FAF1: variants seen among roughly 807,000 people sequenced by gnomAD.
The protein encoded by FAF1 is Fas associated factor 1, also known as FAS-associated factor 1.
A neutral mutation model predicts 92.5 loss-of-function variants in FAF1; 25 were observed. The observed-to-expected ratio is 0.27, with a 90% confidence interval of 0.20 to 0.38. The LOEUF is 0.38. FAF1 is among the 10% of genes least tolerant of loss of function. The pLI is 1.00. For synonymous variants in FAF1, 234 were observed against 273.2 expected (o/e 0.86, Z 1.42); for missense variants, 636 against 793.3 (o/e 0.80, Z 2.38).
intron 6 of FAF1, among the ~76,000 whole-genome samples, chr1:50,710,785 G>C (rs1470994769): frequency 6.6e-6 from 1 of 151,642 alleles, no homozygotes; most frequent in Non-Finnish European, 1.5e-5. Context: ...TGTATTTTTA[G>C]TAGAGACGGG....
chr1:50,924,669 C>G (rs1057036781), intron 1 of FAF1, among the ~76,000 whole-genome samples: 10 of 152,152 alleles, frequency 6.6e-5, no homozygotes, highest in Non-Finnish European at 7.4e-5. Flanking sequence ...GTAACCAAAA[C>G]AGCATAGTAT....
At chr1:50,826,996 G>A (rs1644105481) in intron 2 of FAF1, among the ~76,000 whole-genome samples, 1 of 147,800 alleles carries the variant, frequency 6.8e-6, no homozygotes, top group Admixed American at 6.7e-5. Context: ...CCATCGTCTG[G>A]GATGTGAGGA....
At chr1:50,761,119 C>T (rs889275372) in intron 4 of FAF1, among the ~76,000 whole-genome samples, 4 of 152,210 alleles carry the variant, frequency 2.6e-5, no homozygotes, top group Middle Eastern at 3.4e-3. Context: ...ACACATACAC[C>T]CTCCCAAGAC....
At position 50,883,005 on chromosome 1, in the gene FAF1, A is replaced by G. The variant is rs2124690656; in HGVS notation, c.46-25008T>C. Among the ~76,000 whole-genome samples the G allele has an allele frequency of 2.0e-5, 3 of 150,890 alleles. No individual in the cohort carries two copies. In the South Asian group the frequency reaches 6.2e-4, roughly 31 times the overall value. On this transcript the variant is annotated intron_variant, in intron 1 of 18. Transcript: ENST00000396153. ...GTCTCCAAAAAAAAAAAAAAAAACT[A>G]GGTTAATGCATTGATTTTGAAATGC...
intron 15 of FAF1, among the ~76,000 whole-genome samples, chr1:50,503,103 A>T (rs1350179331): frequency 5.3e-5 from 8 of 152,148 alleles, no homozygotes; most frequent in Non-Finnish European, 1.2e-4. Context: ...CCTCCTGAGT[A>T]GCTGGGATTA....
intron 18 of FAF1, among the ~76,000 whole-genome samples, chr1:50,457,542 T>C (rs1206508109): frequency 6.6e-6 from 1 of 152,056 alleles, no homozygotes; most frequent in Non-Finnish European, 1.5e-5. Flanking sequence ...CAATTTTTAA[T>C]TTATGGCTGG....
chr1:50,596,156 ATCT>A lies in FAF1; in HGVS notation c.802_804del (p.Arg268del). On this transcript the variant is annotated inframe_deletion, in exon 9 of 19. Transcript: ENST00000396153. ...TGTTCCCGGGTCTGTGCAGGTGAAG[ATCT>A]TCTTCCCACTGTAAGTCGATGGCAG... 2 of 1,614,022 alleles carry A rather than the reference ATCT, an allele frequency of 1.2e-6. No individual in the cohort carries two copies. Among genetic ancestry groups the A allele is most frequent in the Non-Finnish European group, 8.5e-7 (1 of 1,179,950 alleles).
At chr1:50,807,530 C>G (rs1013170342) in intron 2 of FAF1, among the ~76,000 whole-genome samples, 4 of 152,162 alleles carry the variant, frequency 2.6e-5, no homozygotes, top group Non-Finnish European at 5.9e-5. Flanking sequence ...AATCCACCCC[C>G]ATGGTCCAAT....
At chr1:50,561,872 AG>A in intron 13 of FAF1, among the ~76,000 whole-genome samples, 1 of 151,516 alleles carries the variant, frequency 6.6e-6, no homozygotes, top group South Asian at 2.1e-4. Context: ...GAAGGAAGGA[AG>A]GAAGGAAGGA....
At chr1:50,457,290 A>G (rs1301125030) in intron 18 of FAF1, among the ~76,000 whole-genome samples, 1 of 152,158 alleles carries the variant, frequency 6.6e-6, no homozygotes, top group African/African-American at 2.4e-5. Context: ...GTTTTGGTGA[A>G]GTAGGCTGGG....
intron 1 of FAF1, among the ~76,000 whole-genome samples, chr1:50,898,864 G>T (rs1465794585): frequency 6.6e-6 from 1 of 152,138 alleles, no homozygotes. Flanking sequence ...GGGGTTCAAT[G>T]ACTTCTTTGA....
chr1:50,948,321 T>C (rs1645186551), intron 1 of FAF1, among the ~76,000 whole-genome samples: 1 of 152,206 alleles, frequency 6.6e-6, no homozygotes, highest in South Asian at 2.1e-4. Context: ...AAAAGAGGTT[T>C]GTTGGCTCAT....
intron 8 of FAF1, among the ~76,000 whole-genome samples, chr1:50,622,152 G>T (rs1274343830): frequency 7.1e-6 from 1 of 141,582 alleles, no homozygotes; most frequent in Non-Finnish European, 1.5e-5. Context: ...GCAACAGAGC[G>T]AGACTCCATC....
At chr1:50,724,237 CAAAAAA>C (rs79635813) in intron 6 of FAF1, among the ~76,000 whole-genome samples, 2 of 88,850 alleles carry the variant, frequency 2.3e-5, no homozygotes, top group Admixed American at 1.4e-4. Flanking sequence ...GACTGTCTTT[CAAAAAA>C]AAAAAAAAAA....
intron 12 of FAF1, among the ~76,000 whole-genome samples, chr1:50,576,608 G>GA (rs1257254650): frequency 2.0e-5 from 3 of 149,270 alleles, no homozygotes; most frequent in East Asian, 4.0e-4. Flanking sequence ...AGGCCCCAAG[G>GA]AAAAAAAAGA....
At chr1:50,626,020 C>G (rs1298217785) in intron 8 of FAF1, among the ~76,000 whole-genome samples, 1 of 152,124 alleles carries the variant, frequency 6.6e-6, no homozygotes, top group African/African-American at 2.4e-5. Flanking sequence ...ATCAAAAGAG[C>G]TGAAACCATA....
chr1:50,854,948 C>T (rs1194926719), intron 2 of FAF1, among the ~76,000 whole-genome samples: 1 of 151,326 alleles, frequency 6.6e-6, no homozygotes, highest in African/African-American at 2.4e-5. Flanking sequence ...AGGAAATGCT[C>T]GATGGAACAT....
chr1:50,563,958 G>T (rs1320295578), intron 13 of FAF1, among the ~76,000 whole-genome samples: 2 of 152,114 alleles, frequency 1.3e-5, no homozygotes, highest in African/African-American at 4.8e-5. Context: ...CTATAGAAAT[G>T]TTTCTTTTCT....
At chr1:50,928,839 G>A (rs1645026669) in intron 1 of FAF1, among the ~76,000 whole-genome samples, 2 of 148,494 alleles carry the variant, frequency 1.3e-5, no homozygotes, top group Non-Finnish European at 1.5e-5. Context: ...GCGCATGCCT[G>A]TAATCCCAGC....
Sources: gnomAD v4.1 joint callset for allele counts (sites outside exome capture counted in the v4.1 genomes callset) on GRCh38, gnomAD v4.1.1 for gene constraint, MANE v1.5 for transcripts, NCBI Gene and HGNC (gene_info 2026-07-23, HGNC 2026-07-21) for gene names.